The following SLC35F3 variants were observed in gnomAD, a reference collection of about 807,000 sequenced individuals.
SLC35F3 encodes putative thiamine transporter SLC35F3.
SLC35F3 carries 25 observed loss-of-function variants against 49.9 expected under a neutral mutation model. The observed-to-expected ratio is 0.50, with a 90% CI of 0.37 to 0.70. The LOEUF (loss-of-function observed/expected upper bound fraction) is 0.70. SLC35F3 is among the 30% of genes least tolerant of loss of function. SLC35F3 has a pLI of 0.00. For missense variants in SLC35F3, 525 were observed against 639.8 expected (o/e 0.82, Z 1.94); for synonymous variants, 275 against 265.4 (o/e 1.04, Z -0.35).
intron 2 of SLC35F3, among the ~76,000 whole-genome samples, chr1:234,072,199 G>T (rs1421398039): frequency 6.6e-6 from 1 of 152,234 alleles, no homozygotes; most frequent in Admixed American, 6.5e-5. Flanking sequence ...ATATTTTTCT[G>T]TCTTGTCTAA....
At chr1:234,236,794 G>T (rs1173850783) in intron 3 of SLC35F3, among the ~76,000 whole-genome samples, 1 of 151,808 alleles carries the variant, frequency 6.6e-6, no homozygotes, top group Admixed American at 6.6e-5. Context: ...CAAGGCTGGA[G>T]GTCAATCCAG....
intron 2 of SLC35F3, among the ~76,000 whole-genome samples, chr1:234,088,457 C>T (rs964645962): frequency 3.9e-5 from 6 of 152,312 alleles, no homozygotes; most frequent in African/African-American, 1.4e-4. Flanking sequence ...ATCCACCCAC[C>T]TCGGCCTCCC....
At chr1:234,274,934 G>A (rs1353191593) in intron 3 of SLC35F3, among the ~76,000 whole-genome samples, 1 of 152,150 alleles carries the variant, frequency 6.6e-6, no homozygotes, top group African/African-American at 2.4e-5. Flanking sequence ...GAAAAAGAAT[G>A]AGTTCTCCAT....
intron 2 of SLC35F3, among the ~76,000 whole-genome samples, chr1:234,111,512 C>A (rs987185799): frequency 5.3e-5 from 8 of 152,202 alleles, no homozygotes; most frequent in Non-Finnish European, 7.3e-5. Context: ...AGGCTGGTCT[C>A]GAACTCCTGA....
At chr1:234,093,002 A>G (rs929777907) in intron 2 of SLC35F3, among the ~76,000 whole-genome samples, 6 of 152,216 alleles carry the variant, frequency 3.9e-5, no homozygotes, top group Admixed American at 1.3e-4. Flanking sequence ...AACTAATCCT[A>G]TAGGCACGAA....
chr1:234,142,813 C>T (rs1392860614), intron 2 of SLC35F3, among the ~76,000 whole-genome samples: 1 of 152,168 alleles, frequency 6.6e-6, no homozygotes, highest in Non-Finnish European at 1.5e-5. Flanking sequence ...TATCTGATCT[C>T]ACCAGGGTCA....
At chr1:233,991,439 A>G (rs1338285813) in intron 2 of SLC35F3, among the ~76,000 whole-genome samples, 2 of 152,286 alleles carry the variant, frequency 1.3e-5, no homozygotes, top group African/African-American at 4.8e-5. Flanking sequence ...CATGGAAGAA[A>G]AAAAAAGAAA....
At chr1:234,116,139 C>T (rs1454039553) in intron 2 of SLC35F3, among the ~76,000 whole-genome samples, 5 of 152,176 alleles carry the variant, frequency 3.3e-5, no homozygotes, top group African/African-American at 1.2e-4. Flanking sequence ...TAAATCTGCA[C>T]TTTACATAAA....
At position 234,256,029 on chromosome 1, in the gene SLC35F3, GGGA is replaced by G. The variant is rs150553461; in HGVS notation, c.608+24294_608+24296del. Reference sequence around the variant, plus strand: ...ACATCAATGCAAGATATTAATAATGGGGAGGAGGGAGTATATGAGAACTCCCTC... The same window carrying G: ...ACATCAATGCAAGATATTAATAATGGGGAGGGAGTATATGAGAACTCCCTC... On this transcript the variant is annotated intron_variant, in intron 3 of 7. Coordinates refer to ENST00000366618, the MANE Select transcript of SLC35F3 (RefSeq NM_173508.4). Among the ~76,000 whole-genome samples, 304 of 152,140 alleles carry G rather than the reference GGGA, an allele frequency of 2.0e-3. 1 individual carries two copies. Among genetic ancestry groups the G allele is most frequent in the African/African-American group, 7.2e-3 (298 of 41,484 alleles).
At chr1:234,146,955 A>G (rs536803981) in intron 2 of SLC35F3, among the ~76,000 whole-genome samples, 54 of 152,330 alleles carry the variant, frequency 3.5e-4, no homozygotes, top group African/African-American at 1.3e-3. Context: ...GATTCAGATG[A>G]CAGTTTAGCT....
At chr1:234,208,857 GA>G (rs914350789) in intron 2 of SLC35F3, among the ~76,000 whole-genome samples, 9 of 152,144 alleles carry the variant, frequency 5.9e-5, no homozygotes, top group Non-Finnish European at 1.2e-4. Context: ...CCATATCAAT[GA>G]AAAACAAACA....
intron 7 of SLC35F3, among the ~76,000 whole-genome samples, chr1:234,322,193 CAAAA>C (rs35591525): frequency 2.6e-5 from 3 of 116,540 alleles, no homozygotes; most frequent in Non-Finnish European, 3.7e-5. Context: ...GACCCTGTCT[CAAAA>C]AAAAAAAAAA....
chr1:233,982,985 G>A (rs1033107306), intron 2 of SLC35F3, among the ~76,000 whole-genome samples: 1 of 152,186 alleles, frequency 6.6e-6, no homozygotes, highest in African/African-American at 2.4e-5. Flanking sequence ...ATATGACCAG[G>A]AGCAGGCGCG....
chr1:234,022,851 G>A (rs1663917663), intron 2 of SLC35F3, among the ~76,000 whole-genome samples: 1 of 152,162 alleles, frequency 6.6e-6, no homozygotes, highest in Non-Finnish European at 1.5e-5. Flanking sequence ...TATTTAGTGA[G>A]TTTTCCATGC....
chr1:234,241,430 T>C (rs1667551185), intron 3 of SLC35F3, among the ~76,000 whole-genome samples: 1 of 151,996 alleles, frequency 6.6e-6, no homozygotes. Flanking sequence ...CAGCTTCCGT[T>C]TTCTCATATT....
intron 2 of SLC35F3, among the ~76,000 whole-genome samples, chr1:234,026,362 T>C (rs1454237506): frequency 6.6e-6 from 1 of 152,248 alleles, no homozygotes; most frequent in Non-Finnish European, 1.5e-5. Context: ...ACTGGTATGT[T>C]AAATGGCAAT....
chr1:234,007,812 TG>T (rs1223498467), intron 2 of SLC35F3, among the ~76,000 whole-genome samples: 1 of 152,184 alleles, frequency 6.6e-6, no homozygotes, highest in Admixed American at 6.5e-5. Flanking sequence ...TGCTTAGAAT[TG>T]GTCATTAAAA....
At chr1:234,300,616 G>C (rs1668677949) in intron 3 of SLC35F3, among the ~76,000 whole-genome samples, 1 of 152,154 alleles carries the variant, frequency 6.6e-6, no homozygotes, top group African/African-American at 2.4e-5. Context: ...TTACAATAAG[G>C]GTCCTGTACA....
chr1:234,022,854 T>C (rs947345061), intron 2 of SLC35F3, among the ~76,000 whole-genome samples: 1 of 152,212 alleles, frequency 6.6e-6, no homozygotes, highest in Non-Finnish European at 1.5e-5. Flanking sequence ...TTAGTGAGTT[T>C]TCCATGCTAT....
Sources: gnomAD v4.1 joint callset for allele counts (sites outside exome capture counted in the v4.1 genomes callset) on GRCh38, gnomAD v4.1.1 for gene constraint, MANE v1.5 for transcripts, NCBI Gene and HGNC (gene_info 2026-07-23, HGNC 2026-07-21) for gene names.